The following EPS15 variants were observed in gnomAD, a reference collection of about 807,000 sequenced individuals.
The protein encoded by EPS15 is epidermal growth factor receptor pathway substrate 15.
Under a neutral mutation model 113.8 loss-of-function variants are expected in EPS15, and 72 were observed. That is an observed-to-expected ratio of 0.63 (90% CI 0.52 to 0.77). The LOEUF (loss-of-function observed/expected upper bound fraction) is 0.77, where lower values mean the gene tolerates loss of function less well. Ranked by LOEUF, EPS15 falls within the 30% of genes least tolerant of loss-of-function variation. The pLI, the probability that EPS15 is intolerant of heterozygous loss-of-function variation, is 0.00. For missense variants in EPS15, 1,048 were observed against 1,045.8 expected (o/e 1.00, Z -0.03); for synonymous variants, 344 against 363.4 (o/e 0.95, Z 0.61).
At chr1:51,414,893 T>C (rs574986894) in intron 13 of EPS15, among the ~76,000 whole-genome samples, 2 of 152,308 alleles carry the variant, frequency 1.3e-5, no homozygotes, top group Admixed American at 6.5e-5. Context: ...TTGTAGAAAA[T>C]ACAGCAAAAT....
At chr1:51,407,733 T>C (rs539786849) in intron 15 of EPS15, among the ~76,000 whole-genome samples, 1 of 152,248 alleles carries the variant, frequency 6.6e-6, no homozygotes, top group Non-Finnish European at 1.5e-5. Flanking sequence ...GGAGCATTTA[T>C]GTACCAAGCA....
At chr1:51,497,937 A>T (rs1644353179) in intron 1 of EPS15, among the ~76,000 whole-genome samples, 1 of 151,248 alleles carries the variant, frequency 6.6e-6, no homozygotes, top group African/African-American at 2.4e-5. Flanking sequence ...AGATTGTGCC[A>T]CTGCACTCCA....
intron 1 of EPS15, among the ~76,000 whole-genome samples, chr1:51,493,775 C>T (rs1488825471): frequency 6.6e-6 from 1 of 151,358 alleles, no homozygotes; most frequent in Non-Finnish European, 1.5e-5. Flanking sequence ...TCACGCCTGG[C>T]TAATTTTTGT....
At chr1:51,469,007 G>A (rs1346496477) in intron 4 of EPS15, among the ~76,000 whole-genome samples, 1 of 152,100 alleles carries the variant, frequency 6.6e-6, no homozygotes, top group East Asian at 1.9e-4. Context: ...GCGTGCACCT[G>A]TAGTCCCAAC....
intron 21 of EPS15, among the ~76,000 whole-genome samples, chr1:51,378,645 A>G (rs1646859910): frequency 6.6e-6 from 1 of 152,238 alleles, no homozygotes; most frequent in Admixed American, 6.5e-5. Flanking sequence ...ATGCACTCTA[A>G]TTTGTTAAAA....
chr1:51,451,158 A>C (rs1357421759), intron 8 of EPS15, among the ~76,000 whole-genome samples: 3 of 151,890 alleles, frequency 2.0e-5, no homozygotes, highest in Non-Finnish European at 4.4e-5. Flanking sequence ...GGTAAGGAGG[A>C]AATAATTAGT....
intron 8 of EPS15, chr1:51,458,609 T>A: frequency 2.3e-6 from 1 of 431,268 alleles, no homozygotes. Flanking sequence ...TGGTGGTGCA[T>A]GCCTGTAATC....
intron 21 of EPS15, among the ~76,000 whole-genome samples, chr1:51,389,116 C>T (rs902874235): frequency 6.6e-6 from 1 of 152,162 alleles, no homozygotes; most frequent in Non-Finnish European, 1.5e-5. Flanking sequence ...AAAGCTTATC[C>T]ACCATGATCA....
At chr1:51,389,720 T>C (rs1180981250) in intron 21 of EPS15, among the ~76,000 whole-genome samples, 2 of 152,244 alleles carry the variant, frequency 1.3e-5, no homozygotes, top group African/African-American at 2.4e-5. Flanking sequence ...TCACAATTGC[T>C]TCAAAGAGAA....
At chr1:51,490,576 A>C (rs1644214858) in intron 1 of EPS15, among the ~76,000 whole-genome samples, 1 of 151,750 alleles carries the variant, frequency 6.6e-6, no homozygotes, top group African/African-American at 2.4e-5. Context: ...AAAAAAAAAA[A>C]AAAAAAAAAC....
chr1:51,395,054 T>C (rs1647791188), intron 20 of EPS15, among the ~76,000 whole-genome samples: 1 of 152,070 alleles, frequency 6.6e-6, no homozygotes, highest in Non-Finnish European at 1.5e-5. Flanking sequence ...ATTATTTGTA[T>C]AGATAGGGTC....
At chr1:51,407,979 T>C (rs542386323) in intron 15 of EPS15, among the ~76,000 whole-genome samples, 156 bp downstream of exon 15, 10 of 152,312 alleles carry the variant, frequency 6.6e-5, no homozygotes, top group African/African-American at 2.4e-4. Flanking sequence ...ATAGTTTCAA[T>C]ATATAACAGG....
At chr1:51,431,343 AG>A (rs1314429271) in intron 12 of EPS15, among the ~76,000 whole-genome samples, 1 of 152,190 alleles carries the variant, frequency 6.6e-6, no homozygotes, top group Non-Finnish European at 1.5e-5. Context: ...AAGTAGAATC[AG>A]AAAAAATACA....
At chr1:51,369,623 C>A (rs1164823754) in intron 21 of EPS15, among the ~76,000 whole-genome samples, 1 of 152,136 alleles carries the variant, frequency 6.6e-6, no homozygotes, top group Non-Finnish European at 1.5e-5. Flanking sequence ...TCTTTAACAG[C>A]CTTTATTCCT....
chr1:51,358,699 G>GTTTTTTTGTTTT (rs1646299687), intron 24 of EPS15, among the ~76,000 whole-genome samples: 1 of 129,320 alleles, frequency 7.7e-6, no homozygotes, highest in African/African-American at 2.9e-5. Flanking sequence ...AACCAGATTT[G>GTTTTTTTGTTTT]TTTTTTTTTG....
intron 4 of EPS15, among the ~76,000 whole-genome samples, chr1:51,469,153 AC>A (rs1189193909): frequency 1.3e-5 from 2 of 152,088 alleles, no homozygotes; most frequent in African/African-American, 2.4e-5. Context: ...CCAAAAAAAA[AC>A]AAATAATATT....
chr1:51,489,726 T>C (rs934485775), intron 1 of EPS15, among the ~76,000 whole-genome samples: 1 of 152,176 alleles, frequency 6.6e-6, no homozygotes, highest in East Asian at 1.9e-4. Flanking sequence ...AAGGGTGGGT[T>C]TGGCCATATA....
chr1:51,481,327 C>T lies in EPS15; in HGVS notation c.34-13G>A. The T allele has an allele frequency of 1.8e-6, 2 of 1,131,550 alleles. No individual in the cohort carries two copies. The highest frequency in any genetic ancestry group is 1.3e-5 in the South Asian group (1 of 78,810). 70.1% of individuals were successfully genotyped at this position (1,131,550 alleles called of 1,614,324 possible). ...TCCCACTTGATAACTGAAATAAACA[C>T]ATTAATAAAAATTAGATGCTATTCA... is the stretch of plus-strand genomic sequence containing the variant. On this transcript the variant is annotated splice_polypyrimidine_tract_variant and intron_variant, in intron 1 of 24. Coordinates refer to ENST00000371733, the MANE Select transcript of EPS15 (RefSeq NM_001981.3).
intron 8 of EPS15, among the ~76,000 whole-genome samples, chr1:51,455,743 A>T (rs1037942718): frequency 3.3e-5 from 5 of 152,210 alleles, no homozygotes; most frequent in African/African-American, 7.2e-5. Context: ...ATCCATGAGT[A>T]AACAGAATAC....
Sources: gnomAD v4.1 joint callset for allele counts (sites outside exome capture counted in the v4.1 genomes callset) on GRCh38, gnomAD v4.1.1 for gene constraint, MANE v1.5 for transcripts, NCBI Gene and HGNC (gene_info 2026-07-23, HGNC 2026-07-21) for gene names.